The following HIPK1 variants were observed in gnomAD, a reference collection of about 807,000 sequenced individuals.
The protein encoded by HIPK1 is homeodomain-interacting protein kinase 1.
HIPK1 carries 28 observed loss-of-function variants against 117.1 expected under a neutral mutation model. That is an observed-to-expected ratio of 0.24 (90% CI 0.18 to 0.33). The LOEUF is 0.33. Among genes scored for constraint, HIPK1 ranks in the 10% least tolerant of loss-of-function variants. The pLI is 1.00. For missense variants in HIPK1, 1,122 were observed against 1,475.1 expected (o/e 0.76, Z 3.92); for synonymous variants, 605 against 562.5 (o/e 1.08, Z -1.07).
chr1:113,958,218 T>C lies in HIPK1; in HGVS notation c.1908T>C (p.Pro636=). The change falls in exon 8 of 16, where the codon CCT becomes CCC. Residue 636 remains proline, a synonymous_variant. Transcript: ENST00000426820. ...CCCAGCAGGGTGTTTCCTTGCAGCC[T>C]GGAACCACCCAGATTTGCACTCAGA... ...GVAQQGVSLQ[P]GTTQICTQTD... The C allele has an allele frequency of 6.2e-7, 1 of 1,614,164 alleles. No homozygotes were observed. The highest frequency in any genetic ancestry group is 8.5e-7 in the Non-Finnish European group (1 of 1,180,000).
chr1:113,966,974 G>C (rs1429958739), intron 11 of HIPK1, among the ~76,000 whole-genome samples: 1 of 151,708 alleles, frequency 6.6e-6, no homozygotes, highest in Non-Finnish European at 1.5e-5. Context: ...CCATAAATAA[G>C]TGAGAACATG....
chr1:113,963,070 A>G (rs1343749901), intron 9 of HIPK1, among the ~76,000 whole-genome samples: 1 of 152,224 alleles, frequency 6.6e-6, no homozygotes, highest in East Asian at 1.9e-4. Context: ...CACATAGGAA[A>G]TTCTCAAATC....
intron 2 of HIPK1, among the ~76,000 whole-genome samples, chr1:113,945,889 A>G (rs1165911903): frequency 6.6e-6 from 1 of 152,148 alleles, no homozygotes; most frequent in Admixed American, 6.5e-5. Context: ...AAAAACCATA[A>G]TTGCTTTTTA....
chr1:113,956,627 G>T lies in HIPK1; in HGVS notation c.1408G>T (p.Val470Leu). 1 of 1,608,236 alleles carries T rather than the reference G, an allele frequency of 6.2e-7. No homozygotes were observed. Among genetic ancestry groups the T allele is most frequent in the Admixed American group, 1.7e-5 (1 of 58,268 alleles). Residue 470 changes from valine (V) to leucine (L), a missense_variant and splice_region_variant, in exon 6 of 16, where the codon GTG (valine) becomes TTG (leucine). Physicochemically the swap from Val to Leu is conservative, Grantham distance 32. Around this residue, in one of 6 missense-constraint regions of HIPK1, gnomAD observed 127 missense variants for 197.9 expected, o/e 0.64. Coordinates refer to ENST00000426820, the MANE Select transcript of HIPK1 (RefSeq NM_198268.3). ...IFNCLDDMAQ[V>L]NMSTDLEGTD... ...TATAATTCTGAATTTTCTTTGGAAG[G>T]TGAATATGTCTACAGACCTGGAGGG...
intron 1 of HIPK1, among the ~76,000 whole-genome samples, chr1:113,939,328 T>G (rs967832284): frequency 6.3e-5 from 9 of 142,632 alleles, no homozygotes; most frequent in African/African-American, 2.0e-4. Flanking sequence ...TTTTTTTCTG[T>G]TTTTTTTTTT....
In HIPK1 at chr1:113,931,434, C is replaced by T. The variant is rs533334344; in HGVS notation, c.-3+1902C>T. 1.8e-3 allele frequency among the ~76,000 whole-genome samples: 268 copies of T among 152,218 alleles called. 2 individuals are homozygous for T. Among genetic ancestry groups the T allele is most frequent in the African/African-American group, 6.0e-3 (251 of 41,534 alleles). ...TTTAGTAAAGTACTTGCGGTTGGAA[C>T]TGGAGGCAGCCAAGCCAGTAAAGTA... On this transcript the variant is annotated intron_variant, in intron 1 of 15. Coordinates refer to ENST00000426820, the MANE Select transcript of HIPK1 (RefSeq NM_198268.3).
Position 113,966,114 on chromosome 1 carries a change from G to T in HIPK1, c.2239-16G>T. ...TGAATCAAGTCTGGATGTTTTTTAT[G>T]TGTGTTTCCTTACAGCAGGCGTGGC... is the stretch of plus-strand genomic sequence containing the variant. On this transcript the variant is annotated splice_polypyrimidine_tract_variant and intron_variant, in intron 10 of 15. Transcript: ENST00000426820. The T allele has an allele frequency of 6.2e-7, 1 of 1,607,768 alleles. No homozygotes were observed. Among genetic ancestry groups the T allele is most frequent in the Non-Finnish European group, 8.5e-7 (1 of 1,177,898 alleles).
intron 8 of HIPK1, among the ~76,000 whole-genome samples, chr1:113,958,575 G>A (rs544723219): frequency 2.0e-5 from 3 of 152,258 alleles, no homozygotes; most frequent in East Asian, 1.9e-4. Flanking sequence ...AATGTCGTAC[G>A]TCTTGTATAA....
rs200876845 is a variant in HIPK1 at position 113,938,943 on chromosome 1, C to T, written c.-2-1439C>T. Among the ~76,000 whole-genome samples the T allele has an allele frequency of 6.5e-3, 653 of 100,020 alleles. 19 individuals are homozygous for T. The highest frequency in any genetic ancestry group is 0.021 in the African/African-American group (534 of 25,432). 65.6% of individuals were successfully genotyped at this position (100,020 alleles called of 152,430 possible). On this transcript the variant is annotated intron_variant, in intron 1 of 15. Transcript: ENST00000426820. ...AAAAAAAAAAATACACACACACACA[C>T]ACACACACACACACACACACTTAGG...
chr1:113,935,976 T>G (rs1378101540), intron 1 of HIPK1, among the ~76,000 whole-genome samples: 1 of 152,250 alleles, frequency 6.6e-6, no homozygotes, highest in African/African-American at 2.4e-5. Flanking sequence ...AGGAAGAGAA[T>G]TGCCTCCCCA....
intron 14 of HIPK1, among the ~76,000 whole-genome samples, chr1:113,970,925 A>G (rs1397259178): frequency 6.6e-6 from 1 of 152,214 alleles, no homozygotes; most frequent in Non-Finnish European, 1.5e-5. Flanking sequence ...GAAATAGTGA[A>G]TGCTTCTCAC....
chr1:113,929,457 G>C lies in HIPK1; in HGVS notation c.-78G>C. 7.8e-7 allele frequency: 1 copy of C among 1,289,396 alleles called. No homozygotes were observed. Among genetic ancestry groups the C allele is most frequent in the Non-Finnish European group, 1.0e-6 (1 of 988,868 alleles). The allele number at this position is 1,289,396 out of a possible 1,614,324, so 79.9% of individuals were successfully genotyped here. A position where few individuals can be genotyped will look rare whatever the true frequency, so the allele number is the denominator to read the frequency against. ...GCTCCCTACGGAGGCCCACCTACTC[G>C]AGGCCCACCGACTCCTACTGCAATC... On this transcript the variant is annotated 5_prime_UTR_variant, in exon 1 of 16. Coordinates refer to ENST00000426820, the MANE Select transcript of HIPK1 (RefSeq NM_198268.3).
chr1:113,970,029 T>G lies in HIPK1; in HGVS notation c.2845T>G (p.Leu949Val), dbSNP rs147800588. 155 of 1,614,110 alleles carry G rather than the reference T, an allele frequency of 9.6e-5. 1 individual carries two copies. The highest frequency in any genetic ancestry group is 3.6e-4 in the South Asian group (33 of 91,094). Residue 949 changes from leucine (L) to valine (V), a missense_variant, in exon 14 of 16, where the codon TTG becomes GTG. This residue lies in a region of HIPK1 where 731 missense variants were observed against 860.4 expected (regional missense o/e 0.85). Transcript: ENST00000426820. ...VNDSPDSDSS[L>V]SSPYSTDTLS... ...TGATTCTCCAGACTCTGACTCTTCT[T>G]TGAGCAGCCCTTATTCCACTGATAC...
At chr1:113,945,857 G>T (rs1202152448) in intron 2 of HIPK1, among the ~76,000 whole-genome samples, 1 of 152,080 alleles carries the variant, frequency 6.6e-6, no homozygotes, top group African/African-American at 2.4e-5. Flanking sequence ...TAAATTTTAG[G>T]ATGGGTTTTT....
chr1:113,959,260 G>T (rs891486096), intron 8 of HIPK1, among the ~76,000 whole-genome samples: 5 of 149,248 alleles, frequency 3.4e-5, no homozygotes, highest in Non-Finnish European at 7.4e-5. Flanking sequence ...TTTGGTTTCT[G>T]ATAGAGTCGG....
rs762101437 is a variant in HIPK1, at chr1:113,968,665, G to C, written c.2771+17G>C. On this transcript the variant is annotated intron_variant, in intron 13 of 15. Transcript: ENST00000426820. ...GCCCAGTAGGTAAGATAAGTGAATG[G>C]TTCCTGGCTCTATTGGTTTTAGACT... is the stretch of plus-strand genomic sequence containing the variant. The C allele has an allele frequency of 2.5e-6, 4 of 1,599,146 alleles. No individual in the cohort carries two copies. In the Admixed American group the frequency reaches 5.0e-5, roughly 20 times the overall value.
At position 113,977,523 on chromosome 1, in the gene HIPK1, C is replaced by T. The variant is rs931935080; in HGVS notation, c.*4011C>T. 2 of 152,664 alleles carry T rather than the reference C, an allele frequency of 1.3e-5. No individual in the cohort carries two copies. Among genetic ancestry groups the T allele is most frequent in the Non-Finnish European group, 2.9e-5 (2 of 68,014 alleles). 9.5% of individuals were successfully genotyped at this position (152,664 alleles called of 1,614,324 possible). On this transcript the variant is annotated 3_prime_UTR_variant, in exon 16 of 16. Coordinates refer to ENST00000426820, the MANE Select transcript of HIPK1 (RefSeq NM_198268.3). ...GTTGTGCGCTTTCTTTTACAACAAG[C>T]CTCTAGAAACAGATAGTTTCTGAGA...
At chr1:113,938,935 C>T (rs1193019047) in intron 1 of HIPK1, among the ~76,000 whole-genome samples, 3 of 74,180 alleles carry the variant, frequency 4.0e-5, no homozygotes, top group African/African-American at 1.7e-4. Context: ...AAAATACACA[C>T]ACACACACAC....
At chr1:113,942,364 A>G (rs1670706823) in intron 2 of HIPK1, among the ~76,000 whole-genome samples, 1 of 152,166 alleles carries the variant, frequency 6.6e-6, no homozygotes, top group Admixed American at 6.5e-5. Flanking sequence ...CCATTTTCCC[A>G]TTTTGAAGAG....
Sources: allele counts gnomAD v4.1 joint callset (sites outside exome capture counted in the v4.1 genomes callset), GRCh38; gene constraint gnomAD v4.1.1; regional missense constraint gnomAD v4.1.1; transcripts MANE v1.5; gene names NCBI Gene and HGNC (gene_info 2026-07-23, HGNC 2026-07-21).